GPC3: variants seen among roughly 807,000 people sequenced by gnomAD.
GPC3 encodes the protein glypican 3.
GPC3 carries 3 observed loss-of-function variants against 34.4 expected under a neutral mutation model. The ratio of observed to expected loss-of-function variants is 0.09; its 90% CI spans 0.04 to 0.23. The LOEUF (loss-of-function observed/expected upper bound fraction) is 0.23, where lower values mean the gene tolerates loss of function less well. Among genes scored for constraint, GPC3 ranks in the 10% least tolerant of loss-of-function variants. GPC3 has a pLI of 1.00. For synonymous variants in GPC3, 177 were observed against 174.0 expected, an observed-to-expected ratio of 1.02 and a Z score of -0.13; for missense variants, 351 against 445.6, an observed-to-expected ratio of 0.79 and a Z score of 1.91.
intron 3 of GPC3, chrX:133,704,354 CCTATGCCT>C (rs1360701917): frequency 9.0e-5 from 40 of 443,983 alleles, no homozygotes; most frequent in Non-Finnish European, 1.3e-4. Flanking sequence ...ATTTTCTTGA[CCTATGCCT>C]GAGGAACCTG....
At chrX:133,796,008 C>T (rs1398303289) in intron 2 of GPC3, among the ~76,000 whole-genome samples, 1 of 99,700 alleles carries the variant, frequency 1.0e-5, no homozygotes, top group Non-Finnish European at 2.0e-5. Flanking sequence ...TGCAGTGGCG[C>T]AATCTTGGCT....
chrX:133,569,011 A>G (rs911147470), intron 7 of GPC3, among the ~76,000 whole-genome samples: 1 of 110,804 alleles, frequency 9.0e-6, no homozygotes, highest in East Asian at 2.9e-4. Context: ...TACAAAAAAT[A>G]AAAACCTTAG....
intron 1 of GPC3, among the ~76,000 whole-genome samples, chrX:133,961,157 C>G (rs1306764786): frequency 9.0e-6 from 1 of 111,354 alleles, no homozygotes; most frequent in Non-Finnish European, 1.9e-5. Flanking sequence ...TCTTAGGGAA[C>G]CCAGCTGAAG....
At chrX:133,816,411 G>C (rs182545676) in intron 2 of GPC3, among the ~76,000 whole-genome samples, 117 of 111,219 alleles carry the variant, frequency 1.1e-3, no homozygotes, top group Non-Finnish European at 1.3e-3. Context: ...CTTGTTCTTC[G>C]TCTCATTCAA....
At chrX:133,567,027 G>A (rs761582074) in intron 7 of GPC3, among the ~76,000 whole-genome samples, 9 of 112,030 alleles carry the variant, frequency 8.0e-5, no homozygotes, top group Admixed American at 1.9e-4. Flanking sequence ...AGGAATTGCC[G>A]TAAGAGTCAG....
intron 1 of GPC3, among the ~76,000 whole-genome samples, chrX:133,959,691 T>C (rs1358649588): frequency 2.7e-5 from 3 of 112,675 alleles, no homozygotes; most frequent in African/African-American, 9.7e-5. Flanking sequence ...TGTGAAGCTC[T>C]TAGTCTTTTT....
chrX:133,735,900 C>T (rs1430244307), intron 3 of GPC3, among the ~76,000 whole-genome samples: 7 of 108,035 alleles, frequency 6.5e-5, no homozygotes, highest in Non-Finnish European at 1.3e-4. Flanking sequence ...GAGTTTGAGG[C>T]TGCAGTGAGA....
intron 2 of GPC3, among the ~76,000 whole-genome samples, chrX:133,795,183 G>A (rs1000305334): frequency 2.7e-5 from 3 of 112,520 alleles, no homozygotes; most frequent in African/African-American, 9.7e-5. Flanking sequence ...AGACACATAT[G>A]GCTATTCTAA....
chrX:133,648,036 G>T (rs1260991611), intron 6 of GPC3, among the ~76,000 whole-genome samples: 1 of 111,661 alleles, frequency 9.0e-6, no homozygotes, highest in African/African-American at 3.3e-5. Flanking sequence ...CTGTGGGAGG[G>T]CCGCACCCTA....
intron 2 of GPC3, among the ~76,000 whole-genome samples, chrX:133,910,040 G>C (rs1158778260): frequency 9.0e-6 from 1 of 111,032 alleles, no homozygotes; most frequent in African/African-American, 3.3e-5. Flanking sequence ...GAAACATATG[G>C]CTCCTGGAGA....
intron 1 of GPC3, among the ~76,000 whole-genome samples, chrX:133,966,324 C>A (rs1344117629): frequency 8.9e-6 from 1 of 112,460 alleles, no homozygotes; most frequent in Non-Finnish European, 1.9e-5. Flanking sequence ...GCAGATCAGT[C>A]TGGGCCTCCA....
intron 2 of GPC3, among the ~76,000 whole-genome samples, chrX:133,806,305 T>C (rs1328831847): frequency 1.8e-5 from 2 of 112,346 alleles, no homozygotes; most frequent in African/African-American, 3.2e-5. Context: ...CTGGAAGTGA[T>C]AAGATCACAA....
Position 133,763,760 on chromosome X carries a change from T to A in GPC3, c.338-9584A>T. 6.7e-6 allele frequency: 3 copies of A among 448,513 alleles called. No homozygotes were observed. In the Admixed American group the frequency reaches 9.7e-5, roughly 15 times the overall value. 37.0% of individuals were successfully genotyped at this position (448,513 alleles called of 1,213,427 possible). On this transcript the variant is annotated intron_variant, in intron 2 of 7. Transcript: ENST00000370818. Reference sequence around the variant, plus strand: ...TAAACATCAGTTTCAAAAAAAAAAGTCAAAAAACAACAGATGTTGGTGAGG... The same window carrying A: ...TAAACATCAGTTTCAAAAAAAAAAGACAAAAAACAACAGATGTTGGTGAGG...
chrX:133,794,708 C>A (rs962219501), intron 2 of GPC3, among the ~76,000 whole-genome samples: 1 of 111,722 alleles, frequency 9.0e-6, no homozygotes, highest in Non-Finnish European at 1.9e-5. Context: ...CAACAGAATC[C>A]CCACTGTAAA....
intron 2 of GPC3, among the ~76,000 whole-genome samples, chrX:133,815,381 G>A (rs1243293848): frequency 1.8e-5 from 2 of 110,790 alleles, no homozygotes; most frequent in Non-Finnish European, 3.8e-5. Context: ...AGTGGCTTGG[G>A]AACAGATCTT....
chrX:133,816,748 C>T (rs1349922126), intron 2 of GPC3, among the ~76,000 whole-genome samples: 1 of 110,890 alleles, frequency 9.0e-6, no homozygotes, highest in Non-Finnish European at 1.9e-5. Context: ...TCCTGGAAGT[C>T]AAAGAAGTTG....
At chrX:133,641,401 G>A (rs777414368) in intron 6 of GPC3, among the ~76,000 whole-genome samples, 3 of 110,041 alleles carry the variant, frequency 2.7e-5, no homozygotes, top group South Asian at 4.0e-4. Context: ...GCTTGAACCC[G>A]GGAGGCAGAG....
chrX:133,694,257 G>C (rs930919378), intron 4 of GPC3, among the ~76,000 whole-genome samples: 2 of 110,631 alleles, frequency 1.8e-5, no homozygotes, highest in Non-Finnish European at 3.8e-5. Flanking sequence ...TCACTGCAAA[G>C]CCAAGGTGAT....
chrX:133,914,497 T>G (rs1474492830), intron 2 of GPC3, among the ~76,000 whole-genome samples: 1 of 110,790 alleles, frequency 9.0e-6, no homozygotes, highest in African/African-American at 3.3e-5. Context: ...TTGCAACTGG[T>G]TAAGAAAAAA....
Sources: allele counts gnomAD v4.1 joint callset (sites outside exome capture counted in the v4.1 genomes callset), GRCh38; gene constraint gnomAD v4.1.1; transcripts MANE v1.5; gene names NCBI Gene and HGNC (gene_info 2026-07-23, HGNC 2026-07-21).